The following NALCN variants were observed in gnomAD, a reference collection of about 807,000 sequenced individuals.
NALCN encodes the protein sodium leak channel, non-selective.
NALCN carries 111 observed loss-of-function variants against 225.3 expected under a neutral mutation model. The ratio of observed to expected loss-of-function variants is 0.49; its 90% CI spans 0.42 to 0.58. NALCN has a LOEUF of 0.58. NALCN is among the 20% of genes least tolerant of loss of function. NALCN has a pLI of 0.00. For synonymous variants in NALCN, 764 were observed against 769.0 expected (o/e 0.99, Z 0.11); for missense variants, 1,378 against 2,202.4 (o/e 0.63, Z 7.49).
At chr13:101,247,380 C>T (rs553003809) in intron 11 of NALCN, among the ~76,000 whole-genome samples, 1 of 152,246 alleles carries the variant, frequency 6.6e-6, no homozygotes, top group Non-Finnish European at 1.5e-5. Flanking sequence ...CACTTAAAAA[C>T]CTGGCTCTGG....
chr13:101,407,969 C>G (rs1293008100), intron 1 of NALCN, among the ~76,000 whole-genome samples: 2 of 152,118 alleles, frequency 1.3e-5, no homozygotes, highest in Non-Finnish European at 2.9e-5. Flanking sequence ...CTCACCATGC[C>G]TCAATGAGGT....
chr13:101,241,017 T>A (rs1413250), intron 11 of NALCN, among the ~76,000 whole-genome samples: 80,362 of 152,076 alleles, frequency 0.53, 21,374 homozygotes, highest in Non-Finnish European at 0.54. Flanking sequence ...TATCATTCAT[T>A]CTGTACAGTT....
chr13:101,112,771 A>G (rs1019515047), intron 18 of NALCN, among the ~76,000 whole-genome samples: 3 of 152,242 alleles, frequency 2.0e-5, no homozygotes, highest in Admixed American at 6.5e-5. Flanking sequence ...GGCTTTGAAT[A>G]TGATTACCAT....
chr13:101,297,235 C>A (rs918542885), intron 7 of NALCN, among the ~76,000 whole-genome samples: 1 of 152,164 alleles, frequency 6.6e-6, no homozygotes, highest in African/African-American at 2.4e-5. Flanking sequence ...CACTAAACCT[C>A]TCTCCAAACA....
intron 9 of NALCN, among the ~76,000 whole-genome samples, chr13:101,285,874 A>C: frequency 6.6e-6 from 1 of 152,306 alleles, no homozygotes; most frequent in South Asian, 2.1e-4. Context: ...GTTATTAATA[A>C]AAACCCTCTG....
chr13:101,194,244 C>T (rs1214037522), intron 13 of NALCN, among the ~76,000 whole-genome samples: 5 of 151,562 alleles, frequency 3.3e-5, no homozygotes, highest in African/African-American at 9.7e-5. Flanking sequence ...TTCAGAGTCT[C>T]GGGAGAAAAA....
At chr13:101,283,594 G>T (rs1379116275) in intron 10 of NALCN, among the ~76,000 whole-genome samples, 1 of 152,108 alleles carries the variant, frequency 6.6e-6, no homozygotes. Flanking sequence ...ACTCGGGGAG[G>T]TATGAAACAA....
Position 101,150,227 on chromosome 13 carries a change from C to A in NALCN, c.1840-5331G>T, listed in dbSNP as rs117006029. ...ACTGACGTGTGCTGCCGGGTGTCTGCAGAGTGGTCGTCCTGGGTGGGGGTG... is the reference window on the plus strand; with the variant it reads ...ACTGACGTGTGCTGCCGGGTGTCTGAAGAGTGGTCGTCCTGGGTGGGGGTG... On this transcript the variant is annotated intron_variant, in intron 15 of 43. Coordinates refer to ENST00000251127, the MANE Select transcript of NALCN (RefSeq NM_052867.4). Among the ~76,000 whole-genome samples the A allele has an allele frequency of 3.2e-3, 482 of 151,786 alleles. 4 individuals carry two copies. The East Asian group carries it at 0.043, about 13-fold the overall frequency.
chr13:101,391,123 TA>T (rs916400673), intron 3 of NALCN, among the ~76,000 whole-genome samples: 1 of 151,738 alleles, frequency 6.6e-6, no homozygotes, highest in Non-Finnish European at 1.5e-5. Flanking sequence ...TGATTCTTTT[TA>T]AAAAAAATCA....
intron 6 of NALCN, among the ~76,000 whole-genome samples, chr13:101,374,719 AG>A (rs1361406288): frequency 6.6e-6 from 1 of 152,180 alleles, no homozygotes; most frequent in Non-Finnish European, 1.5e-5. Flanking sequence ...GATGTTTTGA[AG>A]TTACTGAATA....
chr13:101,306,872 TG>T, intron 7 of NALCN, among the ~76,000 whole-genome samples: 1 of 152,288 alleles, frequency 6.6e-6, no homozygotes, highest in South Asian at 2.1e-4. Context: ...TTTCTTTGTG[TG>T]GAGGAAGTTC....
chr13:101,360,634 A>T (rs1416360075), intron 6 of NALCN, among the ~76,000 whole-genome samples: 1 of 152,198 alleles, frequency 6.6e-6, no homozygotes, highest in Non-Finnish European at 1.5e-5. Context: ...AAAAGTGCCA[A>T]TGCCCCTGAC....
At chr13:101,072,075 C>T (rs973545813) in intron 37 of NALCN, among the ~76,000 whole-genome samples, 3 of 151,840 alleles carry the variant, frequency 2.0e-5, no homozygotes, top group Admixed American at 6.6e-5. Flanking sequence ...GTTCATGGCA[C>T]CCCTCAAAAA....
intron 3 of NALCN, among the ~76,000 whole-genome samples, chr13:101,384,771 G>A (rs1350779751): frequency 2.6e-5 from 4 of 152,168 alleles, no homozygotes; most frequent in African/African-American, 9.7e-5. Flanking sequence ...GAGTGAAAAT[G>A]CTTCCAGCAA....
chr13:101,270,246 T>A (rs2042731982), intron 10 of NALCN, among the ~76,000 whole-genome samples: 1 of 152,086 alleles, frequency 6.6e-6, no homozygotes, highest in Admixed American at 6.5e-5. Flanking sequence ...CATGGGTAAG[T>A]TAGTGAGAAG....
intron 33 of NALCN, 67 bp downstream of exon 33, chr13:101,082,742 G>A (rs2033722701): frequency 1.3e-6 from 2 of 1,517,936 alleles, no homozygotes; most frequent in Non-Finnish European, 1.8e-6. Context: ...TGGCATCAAA[G>A]AGGGAGGCTG....
At chr13:101,144,539 T>C (rs113729831) in intron 16 of NALCN, among the ~76,000 whole-genome samples, 5 of 152,248 alleles carry the variant, frequency 3.3e-5, no homozygotes, top group African/African-American at 1.2e-4. Flanking sequence ...CTTAGGCTAC[T>C]GCAGTTATAA....
chr13:101,100,730 C>A, intron 27 of NALCN, 54 bp downstream of exon 27: 1 of 1,447,668 alleles, frequency 6.9e-7, no homozygotes, highest in Admixed American at 2.0e-5. Flanking sequence ...TAGGCACATG[C>A]CACCACACTT....
At chr13:101,264,802 A>C (rs1186227786) in intron 10 of NALCN, among the ~76,000 whole-genome samples, 1 of 152,218 alleles carries the variant, frequency 6.6e-6, no homozygotes, top group Non-Finnish European at 1.5e-5. Context: ...AATGGCTGCC[A>C]ACCTTGTCCC....
Sources: gnomAD v4.1 joint callset for allele counts (sites outside exome capture counted in the v4.1 genomes callset) on GRCh38, gnomAD v4.1.1 for gene constraint, MANE v1.5 for transcripts, NCBI Gene and HGNC (gene_info 2026-07-23, HGNC 2026-07-21) for gene names.